Variants in LINGO2 observed in about 807,000 individuals in gnomAD.
LINGO2 encodes the protein leucine-rich repeat and immunoglobulin-like domain-containing nogo receptor-interacting protein 2.
LINGO2 carries 14 observed loss-of-function variants against 30.6 expected under a neutral mutation model. That is an observed-to-expected ratio of 0.46 (90% CI 0.30 to 0.72). The LOEUF (loss-of-function observed/expected upper bound fraction) is 0.72, where lower values mean the gene tolerates loss of function less well. Among genes scored for constraint, LINGO2 ranks in the 30% least tolerant of loss-of-function variants. The pLI, the probability that LINGO2 is intolerant of heterozygous loss-of-function variation, is 0.07. For missense variants in LINGO2, 729 were observed against 751.7 expected, an observed-to-expected ratio of 0.97 and a Z score of 0.35; for synonymous variants, 317 against 288.5, an observed-to-expected ratio of 1.10 and a Z score of -1.00.
chr9:28,272,078 T>A (rs1446919384), intron 4 of LINGO2, among the ~76,000 whole-genome samples: 1 of 152,180 alleles, frequency 6.6e-6, no homozygotes, highest in African/African-American at 2.4e-5. Flanking sequence ...TTCTTCCCCA[T>A]GTCATCCACT....
chr9:29,185,032 G>T, the LINGO2 span, among the ~76,000 whole-genome samples: 4 of 152,016 alleles, frequency 2.6e-5, no homozygotes, highest in Admixed American at 2.6e-4. Flanking sequence ...GACTCTCCAG[G>T]TTCAGCTGGG....
the LINGO2 span, among the ~76,000 whole-genome samples, chr9:28,975,122 C>G: frequency 6.6e-6 from 1 of 152,016 alleles, no homozygotes; most frequent in Non-Finnish European, 1.5e-5. Flanking sequence ...AAGAATCACA[C>G]CAAGGTGCAA....
intron 4 of LINGO2, among the ~76,000 whole-genome samples, chr9:28,093,897 A>T (rs1308006243): frequency 6.6e-6 from 1 of 151,980 alleles, no homozygotes; most frequent in African/African-American, 2.4e-5. Context: ...TGGAAATCTG[A>T]CCATGGCCAC....
the LINGO2 span, among the ~76,000 whole-genome samples, chr9:28,737,203 G>A: frequency 1.5e-4 from 23 of 152,164 alleles, no homozygotes; most frequent in Non-Finnish European, 2.6e-4. Context: ...ACTGCAAGAT[G>A]CAAGAAACAG....
intron 4 of LINGO2, among the ~76,000 whole-genome samples, chr9:28,150,805 C>CT (rs200589433): frequency 0.011 from 1,655 of 152,332 alleles, 25 homozygotes; most frequent in African/African-American, 0.035. Context: ...CCTGTACCAT[C>CT]TCCACGAGAA....
At chr9:27,958,466 T>C (rs1013796603) in intron 5 of LINGO2, among the ~76,000 whole-genome samples, 3 of 152,226 alleles carry the variant, frequency 2.0e-5, no homozygotes, top group Admixed American at 6.5e-5. Context: ...TCCGTATTCA[T>C]GATTTTGCTT....
intron 2 of LINGO2, among the ~76,000 whole-genome samples, chr9:28,472,453 G>T (rs1254631665): frequency 2.6e-5 from 4 of 151,642 alleles, no homozygotes; most frequent in Non-Finnish European, 5.9e-5. Context: ...AACCATAGAA[G>T]CATGAGAAAT....
the LINGO2 span, among the ~76,000 whole-genome samples, chr9:29,109,662 G>A: frequency 2.6e-5 from 4 of 152,326 alleles, no homozygotes; most frequent in East Asian, 1.9e-4. Flanking sequence ...GAGTCAGTGA[G>A]CTTGGTGAAT....
chr9:27,949,222 T>A lies in LINGO2; in HGVS notation c.1450A>T (p.Ile484Phe), dbSNP rs752823711. Reference sequence around the variant, plus strand: ...TCATTCCCAGCAGCATTGCTAGCGATGCAAACATACATCCCGCTGTCTTGA... The same window carrying A: ...TCATTCCCAGCAGCATTGCTAGCGAAGCAAACATACATCCCGCTGTCTTGA... Residue 484 changes from isoleucine to phenylalanine, a missense_variant, in exon 6 of 6, where the codon ATC (isoleucine) becomes TTC (phenylalanine). By Grantham distance (21) the Ile-to-Phe change is conservative. Coordinates refer to ENST00000379992, the Ensembl canonical transcript of LINGO2. 5 of 1,614,116 alleles carry A rather than the reference T, an allele frequency of 3.1e-6. No individual in the cohort carries two copies. In the South Asian group the frequency reaches 5.5e-5, roughly 18 times the overall value.
intron 4 of LINGO2, among the ~76,000 whole-genome samples, chr9:28,036,370 G>A (rs1214241563): frequency 6.6e-6 from 1 of 152,172 alleles, no homozygotes; most frequent in Admixed American, 6.5e-5. Flanking sequence ...CATCAGAACA[G>A]GCTGCAGACA....
the LINGO2 span, among the ~76,000 whole-genome samples, chr9:28,810,571 T>C: frequency 6.6e-6 from 1 of 152,194 alleles, no homozygotes; most frequent in Non-Finnish European, 1.5e-5. Flanking sequence ...TTAATGATGT[T>C]TATCCTGGGC....
At chr9:28,666,270 T>C (rs1284657658) in intron 1 of LINGO2, among the ~76,000 whole-genome samples, 1 of 152,132 alleles carries the variant, frequency 6.6e-6, no homozygotes, top group African/African-American at 2.4e-5. Context: ...CTGATATGCT[T>C]AATCAGAATA....
At chr9:29,210,219 C>T in the LINGO2 span, among the ~76,000 whole-genome samples, 9 of 152,286 alleles carry the variant, frequency 5.9e-5, no homozygotes, top group Non-Finnish European at 8.8e-5. Flanking sequence ...AGGAAAGCAT[C>T]TTTAGAGATG....
At chr9:28,489,370 A>G (rs1299574766) in intron 1 of LINGO2, among the ~76,000 whole-genome samples, 1 of 152,106 alleles carries the variant, frequency 6.6e-6, no homozygotes, top group Non-Finnish European at 1.5e-5. Flanking sequence ...GGGTTTCGCC[A>G]TGTTGGCTGG....
At chr9:28,697,528 T>G in the LINGO2 span, among the ~76,000 whole-genome samples, 2 of 151,954 alleles carry the variant, frequency 1.3e-5, no homozygotes, top group Non-Finnish European at 2.9e-5. Context: ...ACCACCTCCT[T>G]CTAAACCATA....
the LINGO2 span, among the ~76,000 whole-genome samples, chr9:29,059,775 A>G: frequency 6.6e-6 from 1 of 152,078 alleles, no homozygotes; most frequent in Non-Finnish European, 1.5e-5. Context: ...AAGAACATAC[A>G]AAAAGTATTT....
intron 4 of LINGO2, among the ~76,000 whole-genome samples, chr9:28,059,436 C>A (rs865839231): frequency 6.6e-6 from 1 of 152,052 alleles, no homozygotes; most frequent in Admixed American, 6.6e-5. Context: ...TTTGTCCACC[C>A]GCACGACTTG....
the LINGO2 span, among the ~76,000 whole-genome samples, chr9:28,775,791 T>C: frequency 6.6e-6 from 1 of 152,262 alleles, no homozygotes; most frequent in Admixed American, 6.5e-5. Flanking sequence ...AATATTATGA[T>C]ATTTTCTAAA....
chr9:28,591,275 T>A (rs1287107543), intron 1 of LINGO2, among the ~76,000 whole-genome samples: 2 of 152,028 alleles, frequency 1.3e-5, no homozygotes, highest in Non-Finnish European at 2.9e-5. Context: ...AACCTGCACA[T>A]TGTGCACATG....
Sources: allele counts gnomAD v4.1 joint callset (sites outside exome capture counted in the v4.1 genomes callset), GRCh38; gene constraint gnomAD v4.1.1; transcripts MANE v1.5; gene names NCBI Gene and HGNC (gene_info 2026-07-23, HGNC 2026-07-21).